SUSD4: variants seen among roughly 807,000 people sequenced by gnomAD.
SUSD4 encodes sushi domain containing 4.
SUSD4 carries 41 observed loss-of-function variants against 50.5 expected under a neutral mutation model. That is an observed-to-expected ratio of 0.81 (90% CI 0.63 to 1.05). The LOEUF (loss-of-function observed/expected upper bound fraction) is 1.05. Among genes scored for constraint, SUSD4 ranks in the 50% least tolerant of loss-of-function variants. The pLI is 0.00. For synonymous variants in SUSD4, 257 were observed against 257.3 expected (o/e 1.00, Z 0.01); for missense variants, 580 against 634.7 (o/e 0.91, Z 0.93).
chr1:223,308,468 A>C (rs1206907054), intron 2 of SUSD4, among the ~76,000 whole-genome samples: 1 of 152,032 alleles, frequency 6.6e-6, no homozygotes. Flanking sequence ...CAGCCTGCAG[A>C]CCCGTAAGCT....
At position 223,221,897 on chromosome 1, in the gene SUSD4, C is replaced by G. The variant is rs887762417; in HGVS notation, c.*295G>C. ...TTCGGTGGGATGTGCGTGGAATTGT[C>G]CCATGTTCCACAGCACGATACACAT... On this transcript the variant is annotated 3_prime_UTR_variant, in exon 9 of 9. Transcript: ENST00000366878. The G allele has an allele frequency of 5.5e-5, 19 of 343,284 alleles. No homozygotes were observed. Among genetic ancestry groups the G allele is most frequent in the South Asian group, 1.1e-4 (1 of 9,458 alleles). The allele number at this position is 343,284 out of a possible 1,614,324, so 21.3% of individuals were successfully genotyped here.
At chr1:223,278,841 C>T (rs908019974) in intron 3 of SUSD4, among the ~76,000 whole-genome samples, 5 of 152,206 alleles carry the variant, frequency 3.3e-5, no homozygotes, top group Admixed American at 6.5e-5. Context: ...TGACACCTCA[C>T]ACGGCTGGGT....
intron 5 of SUSD4, among the ~76,000 whole-genome samples, chr1:223,233,028 G>A (rs1659995501): frequency 6.6e-6 from 1 of 152,172 alleles, no homozygotes; most frequent in Admixed American, 6.5e-5. Flanking sequence ...TGCCCTTCCC[G>A]TACTGGGGCA....
chr1:223,224,532 T>C (rs1034669753), intron 7 of SUSD4, among the ~76,000 whole-genome samples: 3 of 152,176 alleles, frequency 2.0e-5, no homozygotes, highest in Non-Finnish European at 2.9e-5. Flanking sequence ...GTGAGCACTA[T>C]GTCACTACCC....
At chr1:223,321,009 G>A (rs1009543057) in intron 2 of SUSD4, among the ~76,000 whole-genome samples, 3 of 152,128 alleles carry the variant, frequency 2.0e-5, no homozygotes, top group African/African-American at 4.8e-5. Flanking sequence ...ATGATCTTCC[G>A]AATTTCAATC....
At chr1:223,356,165 T>A (rs1013000721) in intron 2 of SUSD4, among the ~76,000 whole-genome samples, 16 of 77,326 alleles carry the variant, frequency 2.1e-4, no homozygotes, top group African/African-American at 7.5e-4. Flanking sequence ...ATTATTTCTA[T>A]TTTTTTTTTT....
chr1:223,247,040 G>A (rs1195472151), intron 5 of SUSD4, among the ~76,000 whole-genome samples: 2 of 152,192 alleles, frequency 1.3e-5, no homozygotes, highest in Non-Finnish European at 2.9e-5. Flanking sequence ...GAGCCACTGA[G>A]CCCAGGTGCT....
At chr1:223,246,168 C>T (rs1221886835) in intron 5 of SUSD4, among the ~76,000 whole-genome samples, 6 of 151,880 alleles carry the variant, frequency 4.0e-5, no homozygotes, top group East Asian at 1.9e-4. Flanking sequence ...CCTACAGGGA[C>T]GAAAAAGATG....
chr1:223,304,091 C>T (rs1159019555), intron 2 of SUSD4, among the ~76,000 whole-genome samples: 2 of 152,228 alleles, frequency 1.3e-5, no homozygotes, highest in East Asian at 1.9e-4. Flanking sequence ...AAGATGAGGG[C>T]GTTTATAGGC....
rs897014469 is a variant in SUSD4 at position 223,231,543 on chromosome 1, G to T, written c.725-2155C>A. Among the ~76,000 whole-genome samples the T allele has an allele frequency of 5.9e-5, 9 of 152,314 alleles. No individual in the cohort carries two copies. The Middle Eastern group carries it at 0.01, about 173-fold the overall frequency. ...ACCCCTTGCATTTCCACAAACAGGG[G>T]CTCTTTTCAAGTTTGCTACCACCAG... On this transcript the variant is annotated intron_variant, in intron 5 of 8. Transcript: ENST00000366878. The surrounding 1 kb of genome is among the most constrained non-coding windows in gnomAD (Gnocchi z 4.2).
intron 5 of SUSD4, among the ~76,000 whole-genome samples, chr1:223,245,563 C>G (rs1440773755): frequency 6.6e-6 from 1 of 152,088 alleles, no homozygotes; most frequent in Non-Finnish European, 1.5e-5. Context: ...GTGTGTGCAG[C>G]TGCATGGAAC....
chr1:223,263,843 A>G (rs771683553), intron 5 of SUSD4: 9 of 985,438 alleles, frequency 9.1e-6, no homozygotes, highest in Non-Finnish European at 1.1e-5. Context: ...CAAGGCTGCA[A>G]ATAGGCTTTG....
rs897608926 is a variant in SUSD4 at position 223,363,516 on chromosome 1, C to A, written c.-35-56G>T. On this transcript the variant is annotated intron_variant, in intron 1 of 8. Transcript: ENST00000366878. ...CCAGTCTGTCCGGGCTCGGGGGCCA[C>A]GCTCCCCCTCCTCCGCTCTGGGACC... 3.9e-5 allele frequency: 54 copies of A among 1,373,994 alleles called. No individual in the cohort carries two copies. In the African/African-American group the frequency reaches 7.7e-4, roughly 20 times the overall value. 85.1% of individuals were successfully genotyped at this position (1,373,994 alleles called of 1,614,324 possible). A position where few individuals can be genotyped will look rare whatever the true frequency, so the allele number is the denominator to read the frequency against.
chr1:223,279,733 G>C (rs1663553694), intron 3 of SUSD4, among the ~76,000 whole-genome samples: 1 of 152,114 alleles, frequency 6.6e-6, no homozygotes, highest in Non-Finnish European at 1.5e-5. Context: ...AGGAAATACA[G>C]AGAATGCCAC....
At chr1:223,307,070 C>T (rs201192298) in intron 2 of SUSD4, among the ~76,000 whole-genome samples, 15 of 112,222 alleles carry the variant, frequency 1.3e-4, no homozygotes, top group Non-Finnish European at 2.5e-4. Context: ...GATCTCAACA[C>T]ATTGCCTAGG....
intron 3 of SUSD4, among the ~76,000 whole-genome samples, chr1:223,287,268 G>A (rs1664207810): frequency 6.6e-6 from 1 of 152,208 alleles, no homozygotes; most frequent in African/African-American, 2.4e-5. Context: ...GTAAAGACAA[G>A]GTTCCGCCAT....
intron 2 of SUSD4, among the ~76,000 whole-genome samples, chr1:223,326,072 G>T (rs567334820): frequency 6.6e-6 from 1 of 152,070 alleles, no homozygotes; most frequent in Non-Finnish European, 1.5e-5. Context: ...AACAAATCTG[G>T]AGGCATAACA....
intron 2 of SUSD4, among the ~76,000 whole-genome samples, chr1:223,312,820 GGAAA>G (rs958598585): frequency 2.6e-5 from 4 of 152,180 alleles, no homozygotes; most frequent in Non-Finnish European, 4.4e-5. Context: ...AGGCAGATGA[GGAAA>G]GGAAGGCTGA....
intron 1 of SUSD4, chr1:223,363,837 G>A (rs1669153767): frequency 6.1e-6 from 1 of 162,718 alleles, no homozygotes; most frequent in Admixed American, 6.4e-5. Flanking sequence ...TTTCACTCTG[G>A]GAATCTCACA....
Sources: allele counts gnomAD v4.1 joint callset (sites outside exome capture counted in the v4.1 genomes callset), GRCh38; gene constraint gnomAD v4.1.1; non-coding constraint Gnocchi (gnomAD v3.1); transcripts MANE v1.5; gene names NCBI Gene and HGNC (gene_info 2026-07-23, HGNC 2026-07-21).